The following MGST1 variants were observed in gnomAD, a reference collection of about 807,000 sequenced individuals.
MGST1 encodes glutathione S-transferase 12.
In MGST1, 5 loss-of-function variants were observed where a neutral mutation model predicts 8.9. That is an observed-to-expected ratio of 0.56 (90% CI 0.29 to 1.19). The LOEUF is 1.19. MGST1 is among the 50% of genes most tolerant of loss of function. The pLI is 0.08. For missense variants in MGST1, 182 were observed against 187.4 expected, an observed-to-expected ratio of 0.97 and a Z score of 0.17; for synonymous variants, 54 against 67.8, an observed-to-expected ratio of 0.80 and a Z score of 1.00.
At chr12:16,492,206 A>T (rs1379029389) in intron 4 of MGST1, among the ~76,000 whole-genome samples, 1 of 152,194 alleles carries the variant, frequency 6.6e-6, no homozygotes, top group East Asian at 1.9e-4. Context: ...TTATTAAGCA[A>T]ATAAAATAGG....
Position 16,585,773 on chromosome 12 carries a change from C to T in MGST1, n.483-3755C>T, listed in dbSNP as rs1177191154. On this transcript the variant is annotated intron_variant and non_coding_transcript_variant, in intron 4 of 4. Transcript: ENST00000538857. The surrounding 1 kb of genome is among the most constrained non-coding windows in gnomAD (Gnocchi z 4.7). ...TACAAAAGGCTGGAGAATCAATTAACATATATACTTCTAAACAATTGTTAG... is the reference window on the plus strand; with the variant it reads ...TACAAAAGGCTGGAGAATCAATTAATATATATACTTCTAAACAATTGTTAG... 1.3e-5 allele frequency among the ~76,000 whole-genome samples: 2 copies of T among 152,156 alleles called. No homozygotes were observed. Among genetic ancestry groups the T allele is most frequent in the Non-Finnish European group, 2.9e-5 (2 of 68,032 alleles).
chr12:16,355,230 A>C (rs576046100), intron 2 of MGST1, among the ~76,000 whole-genome samples: 266 of 130,870 alleles, frequency 2.0e-3, no homozygotes, highest in Non-Finnish European at 1.7e-3. Flanking sequence ...TTTTTGTGAG[A>C]TGGAGTCTCA....
intron 4 of MGST1, among the ~76,000 whole-genome samples, chr12:16,516,243 C>T (rs1260873403): frequency 6.6e-6 from 1 of 152,156 alleles, no homozygotes; most frequent in Non-Finnish European, 1.5e-5. Flanking sequence ...CATCCTAGCT[C>T]AAGCTATTGT....
At chr12:16,570,468 T>C (rs896059888) in intron 4 of MGST1, among the ~76,000 whole-genome samples, 1 of 151,990 alleles carries the variant, frequency 6.6e-6, no homozygotes. Flanking sequence ...AAAAGAAAAA[T>C]AAAGAAAATG....
chr12:16,517,580 G>A lies in MGST1; in HGVS notation n.483-71948G>A, dbSNP rs1200189498. ...ACTACAGCAGCACAAAACAGAGACA[G>A]CAGGTATCAGTAATATTTTGTTATA... is the stretch of plus-strand genomic sequence containing the variant. On this transcript the variant is annotated intron_variant and non_coding_transcript_variant, in intron 4 of 4. Coordinates refer to the MGST1 transcript ENST00000538857. The surrounding 1 kb of genome is among the most constrained non-coding windows in gnomAD (Gnocchi z 4.2). 1.3e-5 allele frequency among the ~76,000 whole-genome samples: 2 copies of A among 152,162 alleles called. No individual in the cohort carries two copies. The highest frequency in any genetic ancestry group is 4.8e-5 in the African/African-American group (2 of 41,432).
At chr12:16,380,166 T>C (rs9737651), downstream of MGST1, among the ~76,000 whole-genome samples, 45,886 of 151,650 alleles carry the variant, frequency 0.3, 6,875 homozygotes, top group African/African-American at 0.33. Context: ...ATCTTAGTTA[T>C]TTCTTGCCTT....
downstream of MGST1, among the ~76,000 whole-genome samples, chr12:16,439,067 C>G (rs1321793435): frequency 6.6e-6 from 1 of 151,240 alleles, no homozygotes; most frequent in African/African-American, 2.4e-5. Context: ...TGAAGAATCT[C>G]CAACTTCTTA....
At position 16,584,762 on chromosome 12, in the gene MGST1, G is replaced by A. The variant is rs186391213; in HGVS notation, n.483-4766G>A. 2.0e-5 allele frequency among the ~76,000 whole-genome samples: 3 copies of A among 152,300 alleles called. No individual in the cohort carries two copies. The highest frequency in any genetic ancestry group is 4.4e-5 in the Non-Finnish European group (3 of 68,032). On this transcript the variant is annotated intron_variant and non_coding_transcript_variant, in intron 4 of 4. Coordinates refer to the MGST1 transcript ENST00000538857. This position sits in a 1 kb window ranked among gnomAD's most constrained non-coding sequence, Gnocchi z 5.2. ...GACGGGCTGCTTCTCGCCTCACAAA[G>A]CAGTGCCAAGACTCCTTGTTAGGCT...
At chr12:16,566,027 TATATATATATATAA>T (rs1309976656) in intron 4 of MGST1, among the ~76,000 whole-genome samples, 4 of 64,528 alleles carry the variant, frequency 6.2e-5, no homozygotes, top group African/African-American at 1.8e-4. Context: ...TATATATATA[TATATATATATATAA>T]AATGGAGTAC....
Position 16,487,411 on chromosome 12 carries a change from G to A in MGST1, n.483-102117G>A, listed in dbSNP as rs560219769. Among the ~76,000 whole-genome samples the A allele has an allele frequency of 1.0e-3, 158 of 152,102 alleles. 3 individuals carry two copies. The East Asian group carries it at 0.026, about 25-fold the overall frequency. On this transcript the variant is annotated intron_variant and non_coding_transcript_variant, in intron 4 of 4. Coordinates refer to the MGST1 transcript ENST00000538857. Reference sequence around the variant, plus strand: ...TTCCAGAGAAGAGAAAAAGAAGAAAGACTCTCCAACTAACTTTTTTAACAG... The same window carrying A: ...TTCCAGAGAAGAGAAAAAGAAGAAAAACTCTCCAACTAACTTTTTTAACAG...
chr12:16,582,388 G>T lies in MGST1; in HGVS notation n.483-7140G>T, dbSNP rs1026495797. Among the ~76,000 whole-genome samples, 1 of 152,086 alleles carries T rather than the reference G, an allele frequency of 6.6e-6. No homozygotes were observed. Among genetic ancestry groups the T allele is most frequent in the Admixed American group, 6.6e-5 (1 of 15,266 alleles). On this transcript the variant is annotated intron_variant and non_coding_transcript_variant, in intron 4 of 4. Coordinates refer to the MGST1 transcript ENST00000538857. The surrounding 1 kb of genome is among the most constrained non-coding windows in gnomAD (Gnocchi z 4.1). ...CAGACTATTTGCTAATATCTTTCAA[G>T]TTTTTGTATCTGTATGCAAAAATAG...
intron 1 of MGST1, among the ~76,000 whole-genome samples, chr12:16,426,610 T>C (rs937084984): frequency 4.6e-5 from 7 of 152,206 alleles, no homozygotes; most frequent in African/African-American, 1.7e-4. Context: ...CATGCATTTG[T>C]AGAATGCTAT....
intron 4 of MGST1, among the ~76,000 whole-genome samples, chr12:16,579,804 A>G (rs917634879): frequency 3.9e-5 from 6 of 152,248 alleles, no homozygotes; most frequent in African/African-American, 1.2e-4. Flanking sequence ...ACAGAAAAAT[A>G]CCAGCTTATA....
chr12:16,518,296 C>T (rs1015136817), intron 4 of MGST1, among the ~76,000 whole-genome samples: 3 of 152,246 alleles, frequency 2.0e-5, no homozygotes, highest in South Asian at 4.1e-4. Context: ...TTCTTCTCTT[C>T]GCCTGGAAAT....
intron 4 of MGST1, among the ~76,000 whole-genome samples, chr12:16,501,898 C>G (rs1182612946): frequency 6.6e-6 from 1 of 151,972 alleles, no homozygotes; most frequent in Non-Finnish European, 1.5e-5. Context: ...TTAAATTATT[C>G]TAAAATGTAT....
At chr12:16,457,716 C>G (rs1042004611) in intron 4 of MGST1, among the ~76,000 whole-genome samples, 8 of 151,902 alleles carry the variant, frequency 5.3e-5, no homozygotes, top group East Asian at 3.9e-4. Flanking sequence ...TAAGGTGACT[C>G]CTTATCAAGG....
rs1331895171 is a variant in MGST1, at chr12:16,547,131, T to C, written n.483-42397T>C. Among the ~76,000 whole-genome samples the C allele has an allele frequency of 1.3e-5, 2 of 152,144 alleles. No homozygotes were observed. Among genetic ancestry groups the C allele is most frequent in the Non-Finnish European group, 2.9e-5 (2 of 68,012 alleles). Reference sequence around the variant, plus strand: ...GAATTTTCTTCATTTTTCTGGCCATTCATAAGGTTTTATAAACCCTAGGCA... The same window carrying C: ...GAATTTTCTTCATTTTTCTGGCCATCCATAAGGTTTTATAAACCCTAGGCA... On this transcript the variant is annotated intron_variant and non_coding_transcript_variant, in intron 4 of 4. Transcript: ENST00000538857. The surrounding 1 kb of genome is among the most constrained non-coding windows in gnomAD (Gnocchi z 4.6).
chr12:16,437,136 C>T (rs1177386332), intron 1 of MGST1, among the ~76,000 whole-genome samples: 3 of 151,854 alleles, frequency 2.0e-5, no homozygotes, highest in African/African-American at 4.8e-5. Context: ...TCATATTAGT[C>T]CTGGGAATGT....
chr12:16,491,207 A>G (rs184143791), intron 4 of MGST1, among the ~76,000 whole-genome samples: 1 of 152,328 alleles, frequency 6.6e-6, no homozygotes, highest in Admixed American at 6.5e-5. Flanking sequence ...TTCAAAACCA[A>G]CTAGATATTT....
Sources: allele counts gnomAD v4.1 joint callset (sites outside exome capture counted in the v4.1 genomes callset), GRCh38; gene constraint gnomAD v4.1.1; non-coding constraint Gnocchi (gnomAD v3.1); transcripts MANE v1.5; gene names NCBI Gene and HGNC (gene_info 2026-07-23, HGNC 2026-07-21).